Variants in PCDH11X observed in about 807,000 individuals in gnomAD.
PCDH11X encodes the protein protocadherin 11 X-linked.
In PCDH11X, 18 loss-of-function variants were observed where a neutral mutation model predicts 53.3. That is an observed-to-expected ratio of 0.34 (90% confidence interval 0.23 to 0.50). The LOEUF is 0.50. PCDH11X is among the 20% of genes least tolerant of loss of function. PCDH11X has a pLI of 0.98. For missense variants in PCDH11X, 570 were observed against 1,032.4 expected, an observed-to-expected ratio of 0.55 and a Z score of 6.14; for synonymous variants, 279 against 393.3, an observed-to-expected ratio of 0.71 and a Z score of 3.44.
At chrX:92,490,369 G>T (rs1336069489) in intron 10 of PCDH11X, among the ~76,000 whole-genome samples, 1 of 111,411 alleles carries the variant, frequency 9.0e-6, no homozygotes. Flanking sequence ...CATATTCTGC[G>T]CTATTTTTCT....
At chrX:91,920,149 G>A (rs1260488869) in intron 6 of PCDH11X, among the ~76,000 whole-genome samples, 1 of 111,576 alleles carries the variant, frequency 9.0e-6, no homozygotes, top group East Asian at 2.8e-4. Context: ...TTCATTAGTG[G>A]GACTTTTCTT....
intron 8 of PCDH11X, among the ~76,000 whole-genome samples, chrX:92,375,161 TA>T (rs1260600673): frequency 0.051 from 782 of 15,382 alleles, 62 homozygotes; most frequent in East Asian, 0.34. Flanking sequence ...TATATATATA[TA>T]TATATTTTTT....
chrX:91,801,446 G>A (rs1204453422), intron 1 of PCDH11X, among the ~76,000 whole-genome samples: 2 of 110,640 alleles, frequency 1.8e-5, no homozygotes, highest in African/African-American at 3.3e-5. Flanking sequence ...ACATTTGCAC[G>A]GAAGTAGTAG....
rs369065429 is a variant in PCDH11X at position 91,984,184 on chromosome X, G to A, written c.3033+104911G>A. On this transcript the variant is annotated intron_variant, in intron 6 of 10. Transcript: ENST00000682573. ...ATTTTTACTCTACCTTATTGAAACC[G>A]TTTTAATAGATTTTTACTCATTAGA... 7.6e-4 allele frequency among the ~76,000 whole-genome samples: 73 copies of A among 95,702 alleles called. 2 individuals are homozygous for A. The East Asian group carries it at 0.013, about 17-fold the overall frequency. The allele number at this position is 95,702 out of a possible 115,157, so 83.1% of individuals were successfully genotyped here. A position where few individuals can be genotyped will look rare whatever the true frequency, so the allele number is the denominator to read the frequency against.
intron 10 of PCDH11X, among the ~76,000 whole-genome samples, chrX:92,530,357 A>G (rs1166152580): frequency 1.9e-5 from 2 of 107,647 alleles, no homozygotes; most frequent in Admixed American, 2.0e-4. Context: ...AAGAGCATAC[A>G]CCCCCACCAA....
chrX:92,412,101 GAAGCAACAGCAGCAGCAGCAC>G (rs1366829490), intron 9 of PCDH11X, among the ~76,000 whole-genome samples: 2 of 97,602 alleles, frequency 2.0e-5, no homozygotes, highest in South Asian at 5.6e-4. Context: ...AGAAGAAGAA[GAAGCAACAGCAGCAGCAGCAC>G]AAGCAACAGC....
chrX:91,865,202 T>C (rs1353110403), intron 5 of PCDH11X, among the ~76,000 whole-genome samples: 3 of 109,185 alleles, frequency 2.7e-5, no homozygotes, highest in African/African-American at 1.0e-4. Flanking sequence ...GGTATTGTGA[T>C]CTAAGCTGTA....
chrX:92,473,273 T>A (rs958764444), intron 10 of PCDH11X, among the ~76,000 whole-genome samples: 2 of 109,983 alleles, frequency 1.8e-5, no homozygotes, highest in Non-Finnish European at 3.8e-5. Flanking sequence ...CCATTAATCA[T>A]CTTTTGAATT....
rs192090774 is a variant in PCDH11X, at chrX:92,105,407, G to T, written c.3034-95968G>T. 4.7e-3 allele frequency among the ~76,000 whole-genome samples: 518 copies of T among 110,400 alleles called. 8 individuals are homozygous for T. The highest frequency in any genetic ancestry group is 0.017 in the African/African-American group (502 of 30,266). On this transcript the variant is annotated intron_variant, in intron 6 of 10. Coordinates refer to ENST00000682573, the MANE Select transcript of PCDH11X (RefSeq NM_032968.5). ...ACAGGGGATTGATCTCCCAAGGGAG[G>T]TCCCTCGATCTGAGTCACGGCACCA... is the stretch of plus-strand genomic sequence containing the variant.
chrX:92,126,947 CTGTT>C (rs1223564364), intron 6 of PCDH11X, among the ~76,000 whole-genome samples: 1 of 106,370 alleles, frequency 9.4e-6, no homozygotes, highest in Non-Finnish European at 1.9e-5. Flanking sequence ...ATTAAATTCA[CTGTT>C]TGATTCAGTT....
At chrX:92,376,675 T>C (rs1379304224) in intron 8 of PCDH11X, among the ~76,000 whole-genome samples, 4 of 112,105 alleles carry the variant, frequency 3.6e-5, no homozygotes, top group African/African-American at 1.3e-4. Context: ...CGGAGTGCGC[T>C]ACTCTTTCTT....
intron 10 of PCDH11X, among the ~76,000 whole-genome samples, chrX:92,575,932 T>TACACAC (rs1294124829): frequency 8.1e-5 from 2 of 24,701 alleles, no homozygotes; most frequent in African/African-American, 2.4e-4. Context: ...TATATATATA[T>TACACAC]ATATATATAT....
At chrX:92,371,638 ATAT>A (rs2070626431) in intron 8 of PCDH11X, among the ~76,000 whole-genome samples, 1 of 107,164 alleles carries the variant, frequency 9.3e-6, no homozygotes. Context: ...GGTACTGAGT[ATAT>A]CACAGTGAAC....
intron 5 of PCDH11X, among the ~76,000 whole-genome samples, chrX:91,843,397 C>A (rs1381037366): frequency 1.9e-5 from 2 of 104,215 alleles, no homozygotes; most frequent in African/African-American, 7.1e-5. Flanking sequence ...GCAACCTCCA[C>A]CTCCTGAGTT....
intron 6 of PCDH11X, among the ~76,000 whole-genome samples, chrX:92,186,605 G>A (rs2148299903): frequency 1.2e-5 from 1 of 84,582 alleles, no homozygotes; most frequent in East Asian, 3.7e-4. Context: ...TCCAGCCTGG[G>A]CAACAAGAGC....
chrX:92,221,085 A>T (rs1380625164), intron 7 of PCDH11X, among the ~76,000 whole-genome samples: 75 of 91,395 alleles, frequency 8.2e-4, no homozygotes, highest in African/African-American at 2.9e-3. Flanking sequence ...GCATTAGGAG[A>T]TATACCTAAT....
At chrX:92,013,340 T>C (rs1306604945) in intron 6 of PCDH11X, among the ~76,000 whole-genome samples, 1 of 111,450 alleles carries the variant, frequency 9.0e-6, no homozygotes, top group Non-Finnish European at 1.9e-5. Context: ...GTGAAGGACC[T>C]CTTCGAAGAG....
At chrX:91,854,912 G>A (rs1165693479) in intron 5 of PCDH11X, among the ~76,000 whole-genome samples, 1 of 111,482 alleles carries the variant, frequency 9.0e-6, no homozygotes, top group Non-Finnish European at 1.9e-5. Flanking sequence ...TGTCAGATGG[G>A]TAGTTTGCAA....
At chrX:92,522,221 T>G (rs772487878) in intron 10 of PCDH11X, among the ~76,000 whole-genome samples, 167 of 111,547 alleles carry the variant, frequency 1.5e-3, no homozygotes, top group African/African-American at 5.2e-3. Flanking sequence ...TAGATATGCA[T>G]GACTCTTTTT....
Sources: allele counts gnomAD v4.1 joint callset (sites outside exome capture counted in the v4.1 genomes callset), GRCh38; gene constraint gnomAD v4.1.1; transcripts MANE v1.5; gene names NCBI Gene and HGNC (gene_info 2026-07-23, HGNC 2026-07-21).